The following MYZAP variants were observed in gnomAD, a reference collection of about 807,000 sequenced individuals.
MYZAP encodes the protein myocardial zonula adherens protein.
A neutral mutation model predicts 69.4 loss-of-function variants in MYZAP; 66 were observed. The ratio of observed to expected loss-of-function variants is 0.95; its 90% confidence interval spans 0.78 to 1.17. MYZAP has a LOEUF of 1.17. Among genes scored for constraint, MYZAP ranks in the 50% most tolerant of loss-of-function variants. MYZAP has a pLI of 0.00. For synonymous variants in MYZAP, 256 were observed against 205.9 expected (o/e 1.24, Z -2.09); for missense variants, 611 against 556.2 (o/e 1.10, Z -0.99).
chr15:57,638,829 T>C (rs2036965387), intron 9 of MYZAP, among the ~76,000 whole-genome samples: 1 of 152,162 alleles, frequency 6.6e-6, no homozygotes, highest in Non-Finnish European at 1.5e-5. Flanking sequence ...TTTCAGATAT[T>C]TTATTGTGTT....
intron 10 of MYZAP, among the ~76,000 whole-genome samples, chr15:57,655,597 T>A (rs1247926188): frequency 1.3e-5 from 2 of 149,342 alleles, no homozygotes; most frequent in Non-Finnish European, 3.0e-5. Context: ...GTAGCTAATG[T>A]GAAAAAAAAA....
intron 10 of MYZAP, chr15:57,647,661 A>C (rs981471194): frequency 8.1e-6 from 8 of 985,288 alleles, no homozygotes; most frequent in Non-Finnish European, 9.6e-6. Context: ...TCTGGAGCAG[A>C]TAGTGAGTGA....
At chr15:57,634,599 C>T (rs555610965) in intron 8 of MYZAP, among the ~76,000 whole-genome samples, 2 of 152,282 alleles carry the variant, frequency 1.3e-5, no homozygotes, top group African/African-American at 4.8e-5. Flanking sequence ...GAGAAGAGGT[C>T]GCCTTAGCTA....
At chr15:57,661,573 C>A in intron 11 of MYZAP, 40 bp downstream of exon 11, 1 of 1,532,764 alleles carries the variant, frequency 6.5e-7, no homozygotes, top group Non-Finnish European at 8.9e-7. Flanking sequence ...TCTTCCCTAC[C>A]ATTAAATTTT....
At chr15:57,645,734 G>A (rs1296463801) in intron 10 of MYZAP, among the ~76,000 whole-genome samples, 1 of 152,158 alleles carries the variant, frequency 6.6e-6, no homozygotes, top group Non-Finnish European at 1.5e-5. Context: ...AGCAATGCAC[G>A]GGGCTGCCCT....
At chr15:57,633,313 G>A (rs1452897023) in intron 7 of MYZAP, among the ~76,000 whole-genome samples, 2 of 152,070 alleles carry the variant, frequency 1.3e-5, no homozygotes, top group Non-Finnish European at 2.9e-5. Context: ...GACATTCTGA[G>A]CATCTACTCA....
intron 11 of MYZAP, among the ~76,000 whole-genome samples, chr15:57,666,686 G>T (rs1401343268): frequency 1.3e-5 from 2 of 151,992 alleles, no homozygotes; most frequent in Non-Finnish European, 2.9e-5. Context: ...AAGAGGGAGG[G>T]GGAAAAGGTC....
intron 12 of MYZAP, among the ~76,000 whole-genome samples, chr15:57,681,612 C>T (rs1018023083): frequency 1.7e-4 from 26 of 152,110 alleles, no homozygotes; most frequent in Non-Finnish European, 3.1e-4. Context: ...AGTGAAACTC[C>T]GTCTCTACTA....
chr15:57,668,055 C>A (rs1454236586), intron 11 of MYZAP, among the ~76,000 whole-genome samples: 1 of 152,178 alleles, frequency 6.6e-6, no homozygotes, highest in African/African-American at 2.4e-5. Flanking sequence ...AATCATATAG[C>A]ATGCCCTCTT....
chr15:57,667,553 G>A (rs921744461), intron 11 of MYZAP, among the ~76,000 whole-genome samples: 1 of 152,068 alleles, frequency 6.6e-6, no homozygotes. Flanking sequence ...ATTCTTTGTC[G>A]TTCCACTGTA....
chr15:57,650,786 C>T (rs2037686143), intron 10 of MYZAP, among the ~76,000 whole-genome samples: 1 of 151,984 alleles, frequency 6.6e-6, no homozygotes, highest in Non-Finnish European at 1.5e-5. Flanking sequence ...TTTTTCTAGG[C>T]AGGGATTGAA....
chr15:57,683,972 T>A (rs1206971426), intron 12 of MYZAP, among the ~76,000 whole-genome samples: 4 of 152,144 alleles, frequency 2.6e-5, no homozygotes, highest in Non-Finnish European at 5.9e-5. Context: ...TTTTGTATTT[T>A]TAGTAGAGAC....
chr15:57,670,251 A>G (rs1413305016), intron 11 of MYZAP, among the ~76,000 whole-genome samples: 1 of 151,684 alleles, frequency 6.6e-6, no homozygotes, highest in African/African-American at 2.4e-5. Context: ...CTTTGTTTTT[A>G]CTTTGTGTAT....
chr15:57,649,611 C>G (rs1057097883), intron 10 of MYZAP, among the ~76,000 whole-genome samples: 1 of 152,068 alleles, frequency 6.6e-6, no homozygotes, highest in African/African-American at 2.4e-5. Context: ...AATCATTTAT[C>G]GAAAACTATT....
rs548254052 is a variant in MYZAP, at chr15:57,656,003, C to A, written c.1120-5447C>A. 1.1e-3 allele frequency among the ~76,000 whole-genome samples: 168 copies of A among 152,306 alleles called. 1 individual carries two copies. The highest frequency in any genetic ancestry group is 3.3e-3 in the African/African-American group (139 of 41,566). ...TTTGGTAACTTGCGTCATTTACCAC[C>A]ACCTGGTGACAGCTAGAACTAAATG... On this transcript the variant is annotated intron_variant, in intron 10 of 12. Transcript: ENST00000267853.
At chr15:57,678,652 T>C (rs1388771577) in intron 12 of MYZAP, among the ~76,000 whole-genome samples, 1 of 152,064 alleles carries the variant, frequency 6.6e-6, no homozygotes, top group African/African-American at 2.4e-5. Flanking sequence ...AGACACCCCG[T>C]CTAGACACTG....
intron 1 of MYZAP, chr15:57,599,539 C>A: frequency 7.9e-7 from 1 of 1,261,416 alleles, no homozygotes; most frequent in Non-Finnish European, 1.0e-6. Flanking sequence ...GGATGCAGTT[C>A]TTCGCATTGT....
At chr15:57,637,506 A>G (rs541591851) in intron 8 of MYZAP, among the ~76,000 whole-genome samples, 189 bp from the exon 9 acceptor site, 18 of 152,330 alleles carry the variant, frequency 1.2e-4, no homozygotes, top group Admixed American at 7.8e-4. Flanking sequence ...TCTGACCCAT[A>G]AATATATCTA....
intron 11 of MYZAP, among the ~76,000 whole-genome samples, chr15:57,668,896 T>TATA (rs1567237446): frequency 1.6e-5 from 2 of 122,310 alleles, no homozygotes; most frequent in South Asian, 2.5e-4. Flanking sequence ...ATATATATAT[T>TATA]TTTTTTTTTT....
Sources: allele counts gnomAD v4.1 joint callset (sites outside exome capture counted in the v4.1 genomes callset), GRCh38; gene constraint gnomAD v4.1.1; transcripts MANE v1.5; gene names NCBI Gene and HGNC (gene_info 2026-07-23, HGNC 2026-07-21).